Variants in EFCAB5 observed in about 807,000 individuals in gnomAD.
EFCAB5 encodes the protein EF-hand calcium-binding domain-containing protein 5.
EFCAB5 carries 131 observed loss-of-function variants against 167.9 expected under a neutral mutation model. The observed-to-expected ratio is 0.78, with a 90% CI of 0.68 to 0.90. The LOEUF (loss-of-function observed/expected upper bound fraction) is 0.90, where lower values mean the gene tolerates loss of function less well. Ranked by LOEUF, EFCAB5 falls within the 40% of genes least tolerant of loss-of-function variation. EFCAB5 has a pLI of 0.00. For missense variants in EFCAB5, 1,663 were observed against 1,745.2 expected (o/e 0.95, Z 0.84); for synonymous variants, 574 against 602.8 (o/e 0.95, Z 0.70).
At chr17:29,991,970 A>C (rs1463510694) in intron 4 of EFCAB5, among the ~76,000 whole-genome samples, 9 of 152,220 alleles carry the variant, frequency 5.9e-5, no homozygotes, top group Non-Finnish European at 1.0e-4. Flanking sequence ...ATACAATGTG[A>C]AATAATGAAA....
At chr17:30,017,425 T>G (rs1359322589) in intron 7 of EFCAB5, among the ~76,000 whole-genome samples, 2 of 151,930 alleles carry the variant, frequency 1.3e-5, no homozygotes, top group Admixed American at 1.3e-4. Context: ...TCAAAACAGG[T>G]TTATATACTA....
intron 14 of EFCAB5, 106 bp from the exon 15 acceptor site, chr17:30,078,109 G>C: frequency 8.0e-7 from 1 of 1,251,776 alleles, no homozygotes; most frequent in Non-Finnish European, 1.1e-6. Flanking sequence ...TTTTCCAGGA[G>C]AGCAGTTGCC....
At position 30,092,150 on chromosome 17, in the gene EFCAB5, G is replaced by A; in HGVS notation, c.4217G>A (p.Cys1406Tyr). The A allele has an allele frequency of 6.2e-7, 1 of 1,602,020 alleles. No individual in the cohort carries two copies. ...AGTGACTTTGGAAGTTGGGATAAGT[G>A]TAAATTTGTAAGTTTTTTTTTAAAA... ...FSSDFGSWDK[C>Y]KFYVNKYLVN... Residue 1406 changes from cysteine (C) to tyrosine (Y), a missense_variant, in exon 21 of 23, where the codon TGT (cysteine) becomes TAT (tyrosine). Transcript: ENST00000394835.
intron 22 of EFCAB5, among the ~76,000 whole-genome samples, chr17:30,098,446 C>T (rs1259613331): frequency 1.3e-5 from 2 of 151,234 alleles, no homozygotes; most frequent in African/African-American, 2.4e-5. Context: ...GTGGGAGGAT[C>T]GCTTGAACCC....
At chr17:29,969,820 T>A (rs1385939566) in intron 4 of EFCAB5, among the ~76,000 whole-genome samples, 3 of 152,176 alleles carry the variant, frequency 2.0e-5, no homozygotes, top group African/African-American at 4.8e-5. Flanking sequence ...TTTCTATAGA[T>A]CCTTATAGAA....
intron 7 of EFCAB5, among the ~76,000 whole-genome samples, chr17:30,010,386 T>G (rs1295795994): frequency 6.6e-6 from 1 of 152,204 alleles, no homozygotes; most frequent in Non-Finnish European, 1.5e-5. Context: ...TGCCACACTG[T>G]CTTCCACAAT....
intron 22 of EFCAB5, among the ~76,000 whole-genome samples, chr17:30,105,262 G>A (rs997658185): frequency 2.0e-5 from 3 of 152,066 alleles, no homozygotes; most frequent in Admixed American, 6.6e-5. Flanking sequence ...TTGGGAGGCC[G>A]GATCATCTGA....
intron 5 of EFCAB5, among the ~76,000 whole-genome samples, chr17:29,994,929 T>C (rs1461295061): frequency 6.6e-6 from 1 of 152,248 alleles, no homozygotes; most frequent in African/African-American, 2.4e-5. Flanking sequence ...TTTTGCATTA[T>C]TAACTGACGA....
At chr17:30,080,643 G>A (rs552351379) in intron 16 of EFCAB5, 110 bp from the exon 17 acceptor site, 81 of 800,212 alleles carry the variant, frequency 1.0e-4, no homozygotes, top group African/African-American at 9.8e-4. Context: ...TCCACTGCTC[G>A]GTCATATAAT....
At chr17:29,984,962 T>A (rs908323928) in intron 4 of EFCAB5, among the ~76,000 whole-genome samples, 1 of 152,200 alleles carries the variant, frequency 6.6e-6, no homozygotes, top group Admixed American at 6.5e-5. Flanking sequence ...ACTGAAAATC[T>A]TTTTGCATTT....
chr17:30,057,376 G>A (rs1174806779), intron 12 of EFCAB5, among the ~76,000 whole-genome samples: 1 of 152,152 alleles, frequency 6.6e-6, no homozygotes, highest in Non-Finnish European at 1.5e-5. Flanking sequence ...AAAGTTCTGA[G>A]GCTAACTCTC....
chr17:29,953,051 A>C (rs1020351129), intron 3 of EFCAB5, among the ~76,000 whole-genome samples: 2 of 152,160 alleles, frequency 1.3e-5, no homozygotes, highest in Non-Finnish European at 2.9e-5. Flanking sequence ...CAATCAGGCA[A>C]GAGAAATAAA....
chr17:30,040,521 G>A (rs1337825940), intron 8 of EFCAB5, among the ~76,000 whole-genome samples: 2 of 152,196 alleles, frequency 1.3e-5, no homozygotes, highest in Non-Finnish European at 2.9e-5. Flanking sequence ...AGAAAAAGAA[G>A]AAAAAGTAGC....
chr17:29,960,991 C>T (rs1187434549), intron 3 of EFCAB5, among the ~76,000 whole-genome samples: 2 of 152,090 alleles, frequency 1.3e-5, no homozygotes, highest in African/African-American at 4.8e-5. Context: ...CCACTGTACC[C>T]AGCTCTACGT....
At chr17:29,931,332 A>G (rs1018447874) in intron 1 of EFCAB5, among the ~76,000 whole-genome samples, 1 of 152,134 alleles carries the variant, frequency 6.6e-6, no homozygotes, top group Non-Finnish European at 1.5e-5. Context: ...TTAAACTGAC[A>G]GGGCTGTCAT....
At chr17:29,962,631 G>GA (rs2067743241) in intron 3 of EFCAB5, among the ~76,000 whole-genome samples, 4 of 105,120 alleles carry the variant, frequency 3.8e-5, no homozygotes, top group African/African-American at 1.4e-4. Flanking sequence ...ACCATGCCTG[G>GA]CTTTTTTTTT....
At chr17:30,066,325 C>A (rs910526348) in intron 14 of EFCAB5, among the ~76,000 whole-genome samples, 1 of 152,086 alleles carries the variant, frequency 6.6e-6, no homozygotes. Flanking sequence ...AAACAACATG[C>A]TCCCGAATGA....
intron 3 of EFCAB5, among the ~76,000 whole-genome samples, chr17:29,965,664 G>A (rs2067814603): frequency 6.6e-6 from 1 of 152,166 alleles, no homozygotes; most frequent in South Asian, 2.1e-4. Context: ...CCATGAAATT[G>A]TTTTGGTACC....
upstream of EFCAB5, among the ~76,000 whole-genome samples, chr17:29,941,372 C>G (rs1359856672): frequency 6.6e-6 from 1 of 152,172 alleles, no homozygotes; most frequent in Non-Finnish European, 1.5e-5. Flanking sequence ...TATTATTATT[C>G]TATTCTCTAT....
Sources: allele counts gnomAD v4.1 joint callset (sites outside exome capture counted in the v4.1 genomes callset), GRCh38; gene constraint gnomAD v4.1.1; transcripts MANE v1.5; gene names NCBI Gene and HGNC (gene_info 2026-07-23, HGNC 2026-07-21).